PITPNM3: variants seen among roughly 807,000 people sequenced by gnomAD.
PITPNM3 encodes the protein membrane-associated phosphatidylinositol transfer protein 3.
In PITPNM3, 26 loss-of-function variants were observed where a neutral mutation model predicts 102.0. The observed-to-expected ratio is 0.25, with a 90% CI of 0.19 to 0.35. The LOEUF (loss-of-function observed/expected upper bound fraction) is 0.35, where lower values mean the gene tolerates loss of function less well. Ranked by LOEUF, PITPNM3 falls within the 10% of genes least tolerant of loss-of-function variation. The probability of loss-of-function intolerance (pLI) is 1.00; values close to 1 mark genes in which losing one functional copy is unlikely to be tolerated. For missense variants in PITPNM3, 1,083 were observed against 1,346.1 expected, an observed-to-expected ratio of 0.80 and a Z score of 3.06; for synonymous variants, 578 against 558.6, an observed-to-expected ratio of 1.03 and a Z score of -0.49.
chr17:6,479,789 G>T (rs753028495), intron 6 of PITPNM3: 1 of 152,284 alleles, frequency 6.6e-6, no homozygotes, highest in South Asian at 2.1e-4. Flanking sequence ...AGCAGGCCTC[G>T]ATTGCAGCCG....
At chr17:6,541,530 T>C (rs865910222) in intron 1 of PITPNM3, among the ~76,000 whole-genome samples, 5 of 152,074 alleles carry the variant, frequency 3.3e-5, no homozygotes, top group South Asian at 2.1e-4. Context: ...GGACCTGTCA[T>C]GGACGGAAGC....
At chr17:6,554,570 G>C (rs1008340648) in intron 1 of PITPNM3, among the ~76,000 whole-genome samples, 1 of 152,204 alleles carries the variant, frequency 6.6e-6, no homozygotes, top group African/African-American at 2.4e-5. Flanking sequence ...GCTCAGAGCA[G>C]GGCAGTTTTT....
chr17:6,481,396 C>T (rs1905663355), intron 6 of PITPNM3: 1 of 153,744 alleles, frequency 6.5e-6, no homozygotes, highest in South Asian at 2.0e-4. Context: ...GGCTGGCATC[C>T]CTATGTGCTT....
chr17:6,483,632 T>G lies in PITPNM3; in HGVS notation c.472A>C (p.Ser158Arg), dbSNP rs1389845967. ...CGTGTGACCTTCTCCAGCACGGAGC[T>G]GAAGGTGTGGATGTCGGCTGCCTTG... ...SCKAADIHTF[S>R]SVLEKVTRAH... Residue 158 changes from serine to arginine, a missense_variant, in exon 6 of 20, where the codon AGC (serine) becomes CGC (arginine). Around this residue, in one of 5 missense-constraint regions of PITPNM3, gnomAD observed 290 missense variants for 337.8 expected, o/e 0.86. Transcript: ENST00000262483. The G allele has an allele frequency of 6.2e-7, 1 of 1,614,068 alleles. No individual in the cohort carries two copies. Among genetic ancestry groups the G allele is most frequent in the Non-Finnish European group, 8.5e-7 (1 of 1,180,020 alleles).
intron 19 of PITPNM3, among the ~76,000 whole-genome samples, chr17:6,456,470 G>A (rs1340342039): frequency 1.3e-5 from 2 of 152,128 alleles, no homozygotes; most frequent in African/African-American, 4.8e-5. Context: ...TGTGTCCAGA[G>A]CCTTGCTACT....
At chr17:6,496,435 G>A (rs553636600) in intron 4 of PITPNM3, among the ~76,000 whole-genome samples, 5 of 152,088 alleles carry the variant, frequency 3.3e-5, no homozygotes, top group Admixed American at 6.5e-5. Flanking sequence ...AATGTTCCCC[G>A]GGCCTGGGCT....
At position 6,461,390 on chromosome 17, in the gene PITPNM3, G is replaced by A. The variant is rs768499606; in HGVS notation, c.2473C>T (p.Arg825Cys). ...CCACTCACCTCCTGCATGAGGTTGCGCAGGAAGATGGCCTTCTGCCGCAGC... is the reference window on the plus strand; with the variant it reads ...CCACTCACCTCCTGCATGAGGTTGCACAGGAAGATGGCCTTCTGCCGCAGC... ...DPLRQKAIFL[R>C]NLMQECFIKI... The change falls in exon 18 of 20, where the codon CGC becomes TGC. Residue 825 changes from arginine (R) to cysteine (C), a missense_variant. Around this residue, in one of 5 missense-constraint regions of PITPNM3, gnomAD observed 410 missense variants for 638.4 expected, o/e 0.64. Transcript: ENST00000262483. The A allele has an allele frequency of 9.9e-6, 16 of 1,614,090 alleles. No homozygotes were observed. Among genetic ancestry groups the A allele is most frequent in the Middle Eastern group, 3.3e-4 (2 of 6,062 alleles).
At chr17:6,507,999 T>A (rs1255092312) in intron 3 of PITPNM3, among the ~76,000 whole-genome samples, 1 of 151,634 alleles carries the variant, frequency 6.6e-6, no homozygotes, top group Non-Finnish European at 1.5e-5. Flanking sequence ...GCAGCTGGGG[T>A]TGCTGGGAAT....
intron 1 of PITPNM3, among the ~76,000 whole-genome samples, chr17:6,546,618 C>T (rs2150676557): frequency 6.6e-6 from 1 of 152,368 alleles, no homozygotes; most frequent in South Asian, 2.1e-4. Context: ...AACAACACTG[C>T]TAGCCAAAGA....
In PITPNM3 at chr17:6,477,142, G is replaced by T; in HGVS notation, c.972C>A (p.Asp324Glu). 1 of 1,614,210 alleles carries T rather than the reference G, an allele frequency of 6.2e-7. No homozygotes were observed. The highest frequency in any genetic ancestry group is 8.5e-7 in the Non-Finnish European group (1 of 1,180,030). The change falls in exon 9 of 20, where the codon GAC becomes GAA. Residue 324 changes from aspartate to glutamate, a missense_variant. Asp to Glu is a conservative substitution (Grantham distance 45). Around this residue, in one of 5 missense-constraint regions of PITPNM3, gnomAD observed 172 missense variants for 175.6 expected, o/e 0.98. Coordinates refer to ENST00000262483, the MANE Select transcript of PITPNM3 (RefSeq NM_031220.4). ...CCTCATCCTCCAACCCACTGGAGATGTCAATGTTGCTTTTGCTGAGACGCT... is the reference window on the plus strand; with the variant it reads ...CCTCATCCTCCAACCCACTGGAGATTTCAATGTTGCTTTTGCTGAGACGCT... ...SSKRLSKSNI[D>E]ISSGLEDEEP...
chr17:6,538,479 G>A (rs1909564841), intron 1 of PITPNM3, among the ~76,000 whole-genome samples: 1 of 152,170 alleles, frequency 6.6e-6, no homozygotes, highest in Admixed American at 6.5e-5. Context: ...AGGGAGCTCT[G>A]CTCATTGCTG....
At position 6,452,357 on chromosome 17, in the gene PITPNM3, C is replaced by T. The variant is rs3809839; in HGVS notation, c.*2981G>A. 43,613 of 152,118 alleles carry T rather than the reference C, an allele frequency of 0.29. 7,732 individuals carry two copies. The highest frequency in any genetic ancestry group is 0.4 in the Middle Eastern group (119 of 294). The allele number at this position is 152,118 out of a possible 1,614,324, so 9.4% of individuals were successfully genotyped here. A position where few individuals can be genotyped will look rare whatever the true frequency, so the allele number is the denominator to read the frequency against. On this transcript the variant is annotated 3_prime_UTR_variant, in exon 20 of 20. Transcript: ENST00000262483. Reference sequence around the variant, plus strand: ...AAGGTGGCAGGCAGGCCCTCGGCTACGACAGCCACCGGATCGGGAAGAACA... The same window carrying T: ...AAGGTGGCAGGCAGGCCCTCGGCTATGACAGCCACCGGATCGGGAAGAACA...
chr17:6,544,847 CCACACACACACACACACTCA>C (rs949264334), intron 1 of PITPNM3, among the ~76,000 whole-genome samples: 1 of 95,130 alleles, frequency 1.1e-5, no homozygotes, highest in Non-Finnish European at 2.2e-5. Flanking sequence ...GCTCATGCAG[CCACACACACACACACACTCA>C]CACACACACA....
At chr17:6,534,108 T>G (rs948869663) in intron 2 of PITPNM3, among the ~76,000 whole-genome samples, 1 of 152,206 alleles carries the variant, frequency 6.6e-6, no homozygotes, top group African/African-American at 2.4e-5. Context: ...TTCTGGCCAC[T>G]CTGGGTTTTC....
intron 1 of PITPNM3, among the ~76,000 whole-genome samples, chr17:6,540,731 T>C (rs1444642595): frequency 6.6e-6 from 1 of 152,238 alleles, no homozygotes; most frequent in East Asian, 1.9e-4. Flanking sequence ...CGATCTTGGC[T>C]CACTGCAACC....
chr17:6,510,027 C>T (rs190493511), intron 3 of PITPNM3, among the ~76,000 whole-genome samples: 34 of 151,908 alleles, frequency 2.2e-4, no homozygotes, highest in African/African-American at 8.2e-4. Context: ...CAACCTCAGA[C>T]AGGACAAACT....
Position 6,472,158 on chromosome 17 carries a change from G to A in PITPNM3, c.1429+499C>T, listed in dbSNP as rs1344767538. 2.6e-5 allele frequency among the ~76,000 whole-genome samples: 4 copies of A among 152,068 alleles called. No individual in the cohort carries two copies. The highest frequency in any genetic ancestry group is 4.4e-5 in the Non-Finnish European group (3 of 68,012). ...TGACCCTGGAGGCCACTGGCTCTTC[G>A]CCAAAACACCTGCCCTCGCTCCTGC... On this transcript the variant is annotated intron_variant, in intron 11 of 19. Coordinates refer to ENST00000262483, the MANE Select transcript of PITPNM3 (RefSeq NM_031220.4). This position sits in a 1 kb window ranked among gnomAD's most constrained non-coding sequence, Gnocchi z 4.1.
chr17:6,530,738 T>C (rs1909098423), intron 2 of PITPNM3, among the ~76,000 whole-genome samples: 1 of 152,212 alleles, frequency 6.6e-6, no homozygotes, highest in Non-Finnish European at 1.5e-5. Flanking sequence ...ATGGCATTTT[T>C]GTCTCTGCAA....
intron 1 of PITPNM3, among the ~76,000 whole-genome samples, chr17:6,548,895 C>A (rs1264226678): frequency 6.6e-6 from 1 of 152,142 alleles, no homozygotes; most frequent in African/African-American, 2.4e-5. Context: ...GCTTTCAACC[C>A]TTGTTTGGCA....
Sources: gnomAD v4.1 joint callset for allele counts (sites outside exome capture counted in the v4.1 genomes callset) on GRCh38, gnomAD v4.1.1 for gene constraint, gnomAD v4.1.1 regional missense constraint, Gnocchi (gnomAD v3.1) non-coding constraint, MANE v1.5 for transcripts, NCBI Gene and HGNC (gene_info 2026-07-23, HGNC 2026-07-21) for gene names.